The following ERC2 variants were observed in gnomAD, a reference collection of about 807,000 sequenced individuals.
ERC2 encodes ERC protein 2.
A neutral mutation model predicts 114.8 loss-of-function variants in ERC2; 42 were observed. The ratio of observed to expected loss-of-function variants is 0.37; its 90% confidence interval spans 0.29 to 0.47. The LOEUF (loss-of-function observed/expected upper bound fraction) is 0.47. ERC2 is among the 20% of genes least tolerant of loss of function. The pLI, the probability that ERC2 is intolerant of heterozygous loss-of-function variation, is 0.99. For missense variants in ERC2, 939 were observed against 1,150.7 expected (o/e 0.82, Z 2.66); for synonymous variants, 454 against 425.5 (o/e 1.07, Z -0.82).
intron 2 of ERC2, among the ~76,000 whole-genome samples, chr3:56,425,711 C>T (rs1332306581): frequency 2.0e-5 from 3 of 152,004 alleles, no homozygotes; most frequent in Admixed American, 6.5e-5. Flanking sequence ...TGAAACATGC[C>T]ATGGCTTGTT....
At chr3:56,301,715 TAA>T (rs11285026) in intron 2 of ERC2, among the ~76,000 whole-genome samples, 101 of 150,164 alleles carry the variant, frequency 6.7e-4, no homozygotes, top group African/African-American at 1.7e-3. Context: ...AAAATAAAAA[TAA>T]AAAAAAAAAT....
chr3:56,211,807 G>A (rs1053929597), intron 3 of ERC2, among the ~76,000 whole-genome samples: 6 of 151,922 alleles, frequency 3.9e-5, no homozygotes, highest in Admixed American at 2.0e-4. Context: ...AAATACTTAC[G>A]GCCAACTGAA....
chr3:56,006,117 T>G (rs2072471513), intron 10 of ERC2, among the ~76,000 whole-genome samples: 1 of 152,080 alleles, frequency 6.6e-6, no homozygotes, highest in Admixed American at 6.6e-5. Flanking sequence ...TATTTATCTT[T>G]TTCTGTATTA....
chr3:55,594,818 G>C (rs1003266238), intron 17 of ERC2, among the ~76,000 whole-genome samples: 2 of 152,032 alleles, frequency 1.3e-5, no homozygotes, highest in African/African-American at 4.8e-5. Context: ...GCTTCTTCTT[G>C]AGTTCTTTGA....
At chr3:55,976,698 G>A (rs1420647404) in intron 12 of ERC2, among the ~76,000 whole-genome samples, 1 of 152,148 alleles carries the variant, frequency 6.6e-6, no homozygotes, top group East Asian at 1.9e-4. Context: ...CTCCAGTGAA[G>A]AGCAAATGAT....
chr3:55,738,298 T>C (rs2065767335), intron 14 of ERC2, among the ~76,000 whole-genome samples: 1 of 152,188 alleles, frequency 6.6e-6, no homozygotes, highest in African/African-American at 2.4e-5. Context: ...GAAGGAAGTA[T>C]ACCAAAATGA....
chr3:55,931,671 C>A (rs1310699998), intron 13 of ERC2, among the ~76,000 whole-genome samples: 1 of 151,926 alleles, frequency 6.6e-6, no homozygotes, highest in African/African-American at 2.4e-5. Flanking sequence ...TTGATGGGTG[C>A]AGCAAACCAG....
chr3:55,669,471 A>G (rs1374458377), intron 17 of ERC2, among the ~76,000 whole-genome samples: 3 of 152,250 alleles, frequency 2.0e-5, no homozygotes, highest in Admixed American at 6.5e-5. Flanking sequence ...CTCGGCCAAG[A>G]TAAGAGAGTA....
intron 17 of ERC2, among the ~76,000 whole-genome samples, chr3:55,545,693 C>T (rs2054695851): frequency 1.3e-5 from 2 of 152,140 alleles, no homozygotes; most frequent in South Asian, 2.1e-4. Flanking sequence ...ACCAACACTG[C>T]AAAGAACAGG....
intron 2 of ERC2, among the ~76,000 whole-genome samples, chr3:56,329,798 T>TAC (rs1227796428): frequency 2.0e-5 from 3 of 151,322 alleles, no homozygotes; most frequent in Non-Finnish European, 4.4e-5. Context: ...ACTATATATA[T>TAC]ATATATATTT....
chr3:56,318,551 T>C (rs1004208622), intron 2 of ERC2, among the ~76,000 whole-genome samples: 1 of 150,694 alleles, frequency 6.6e-6, no homozygotes, highest in Non-Finnish European at 1.5e-5. Flanking sequence ...AAGGGGTTAA[T>C]ATCAAAAATA....
chr3:55,833,045 G>A (rs1480325520), intron 14 of ERC2, among the ~76,000 whole-genome samples: 2 of 144,898 alleles, frequency 1.4e-5, no homozygotes, highest in African/African-American at 5.6e-5. Context: ...AAGCAAGAAG[G>A]GAAGTTTAGA....
intron 17 of ERC2, among the ~76,000 whole-genome samples, chr3:55,600,797 C>T (rs988024059): frequency 2.0e-5 from 3 of 152,188 alleles, no homozygotes; most frequent in East Asian, 1.9e-4. Context: ...ACGGCCTCTG[C>T]GCCTCACCTA....
rs555494925 is a variant in ERC2 at position 55,767,369 on chromosome 3, CCA to C, written c.2565-32453_2565-32452del. Among the ~76,000 whole-genome samples, 333 of 152,256 alleles carry C rather than the reference CCA, an allele frequency of 2.2e-3. 1 individual carries two copies. The highest frequency in any genetic ancestry group is 7.5e-3 in the African/African-American group (310 of 41,530). On this transcript the variant is annotated intron_variant, in intron 14 of 17. Transcript: ENST00000288221. ...CATGTTTCAGATGTTCTCAAAGACC[CCA>C]GAGGCTTCGGCAAGGCCACCTATTC...
rs1052722891 is a variant in ERC2 at position 56,134,969 on chromosome 3, T to C, written c.1473+4540A>G. 2.0e-5 allele frequency among the ~76,000 whole-genome samples: 3 copies of C among 151,738 alleles called. 1 individual carries two copies. The highest frequency in any genetic ancestry group is 4.8e-5 in the African/African-American group (2 of 41,288). On this transcript the variant is annotated intron_variant, in intron 6 of 17. Coordinates refer to ENST00000288221, the MANE Select transcript of ERC2 (RefSeq NM_015576.3). ...TTTTGTTTTTGTTTTTGTTTTTAGA[T>C]GGAGTCTCGCTCTGTCACCCAGGCT...
chr3:55,969,708 A>G (rs1024016848), intron 12 of ERC2, among the ~76,000 whole-genome samples: 1 of 152,224 alleles, frequency 6.6e-6, no homozygotes, highest in Non-Finnish European at 1.5e-5. Context: ...AGAGCCACAC[A>G]GAAGGCTGTA....
intron 5 of ERC2, among the ~76,000 whole-genome samples, chr3:56,142,293 T>C (rs1261543567): frequency 6.6e-6 from 1 of 152,208 alleles, no homozygotes; most frequent in Non-Finnish European, 1.5e-5. Flanking sequence ...TATTCTACAT[T>C]ATTAACCTCT....
chr3:56,221,061 T>G (rs12492253), intron 3 of ERC2, among the ~76,000 whole-genome samples: 13,177 of 152,156 alleles, frequency 0.087, 781 homozygotes, highest in Admixed American at 0.15. Context: ...CTATGATAGA[T>G]GAAGCAACCT....
intron 17 of ERC2, among the ~76,000 whole-genome samples, chr3:55,582,106 C>T (rs1177880023): frequency 6.6e-6 from 1 of 152,158 alleles, no homozygotes; most frequent in Non-Finnish European, 1.5e-5. Context: ...ACACATTGCT[C>T]AGGTCTCAGC....
Sources: gnomAD v4.1 joint callset for allele counts (sites outside exome capture counted in the v4.1 genomes callset) on GRCh38, gnomAD v4.1.1 for gene constraint, MANE v1.5 for transcripts, NCBI Gene and HGNC (gene_info 2026-07-23, HGNC 2026-07-21) for gene names.